NDST4: variants seen among roughly 807,000 people sequenced by gnomAD.
The protein encoded by NDST4 is N-deacetylase and N-sulfotransferase 4.
In NDST4, 63 loss-of-function variants were observed where a neutral mutation model predicts 100.8. That is an observed-to-expected ratio of 0.62 (90% CI 0.51 to 0.77). The LOEUF is 0.77. Ranked by LOEUF, NDST4 falls within the 30% of genes least tolerant of loss-of-function variation. The pLI, the probability that NDST4 is intolerant of heterozygous loss-of-function variation, is 0.00. For missense variants in NDST4, 943 were observed against 1,018.4 expected, an observed-to-expected ratio of 0.93 and a Z score of 1.01; for synonymous variants, 377 against 361.8, an observed-to-expected ratio of 1.04 and a Z score of -0.48.
intron 1 of NDST4, among the ~76,000 whole-genome samples, chr4:115,111,557 C>T (rs1355615467): frequency 6.6e-6 from 1 of 151,442 alleles, no homozygotes; most frequent in Non-Finnish European, 1.5e-5. Context: ...ATGTAATTTA[C>T]ATATATTTGC....
At chr4:114,898,913 T>G (rs973982564) in intron 6 of NDST4, among the ~76,000 whole-genome samples, 1 of 150,644 alleles carries the variant, frequency 6.6e-6, no homozygotes, top group Non-Finnish European at 1.5e-5. Context: ...TCCAGGAGGG[T>G]TTTTTTTTGT....
chr4:114,935,102 G>C, intron 6 of NDST4, 104 bp downstream of exon 6: 1 of 914,736 alleles, frequency 1.1e-6, no homozygotes, highest in Non-Finnish European at 1.5e-6. Flanking sequence ...AGTAAGATGT[G>C]CTGTAAATAA....
At chr4:114,863,620 A>G (rs781661789) in intron 7 of NDST4, among the ~76,000 whole-genome samples, 2 of 152,256 alleles carry the variant, frequency 1.3e-5, no homozygotes, top group Non-Finnish European at 2.9e-5. Flanking sequence ...TGGTTTAAGT[A>G]TCTAGCACTA....
intron 1 of NDST4, among the ~76,000 whole-genome samples, chr4:115,092,692 A>G (rs1281063456): frequency 6.6e-6 from 1 of 152,166 alleles, no homozygotes; most frequent in Admixed American, 6.6e-5. Flanking sequence ...TGTAGTTTCT[A>G]GTGAAACCAA....
intron 6 of NDST4, among the ~76,000 whole-genome samples, chr4:114,923,528 A>G (rs1328936542): frequency 6.6e-6 from 1 of 152,138 alleles, no homozygotes; most frequent in Non-Finnish European, 1.5e-5. Flanking sequence ...CAAACCAAAA[A>G]AGCACACATT....
intron 2 of NDST4, among the ~76,000 whole-genome samples, chr4:115,018,440 T>C (rs1727737409): frequency 6.6e-6 from 1 of 152,012 alleles, no homozygotes; most frequent in Non-Finnish European, 1.5e-5. Context: ...TATTTTAATA[T>C]TGATTGTGTG....
chr4:114,923,987 A>C (rs1725338339), intron 6 of NDST4, among the ~76,000 whole-genome samples: 2 of 152,086 alleles, frequency 1.3e-5, no homozygotes, highest in South Asian at 4.1e-4. Context: ...GGAAATACAC[A>C]GCAGTGCAAA....
intron 6 of NDST4, among the ~76,000 whole-genome samples, chr4:114,930,611 A>G (rs911701893): frequency 2.6e-5 from 4 of 152,158 alleles, no homozygotes; most frequent in African/African-American, 9.7e-5. Context: ...CAACTTAGCT[A>G]TAGCTTTGTT....
At chr4:114,966,252 A>G (rs966796448) in intron 4 of NDST4, among the ~76,000 whole-genome samples, 1 of 152,008 alleles carries the variant, frequency 6.6e-6, no homozygotes, top group Non-Finnish European at 1.5e-5. Context: ...GCATATACAT[A>G]CACATAACTC....
At chr4:115,082,111 A>G (rs745346221) in intron 1 of NDST4, among the ~76,000 whole-genome samples, 44 of 149,658 alleles carry the variant, frequency 2.9e-4, no homozygotes, top group Non-Finnish European at 4.9e-4. Flanking sequence ...GTAGGTGTTG[A>G]TTTTCCTGTT....
At chr4:114,849,858 C>T (rs1355529271) in intron 8 of NDST4, among the ~76,000 whole-genome samples, 1 of 152,114 alleles carries the variant, frequency 6.6e-6, no homozygotes, top group Non-Finnish European at 1.5e-5. Flanking sequence ...CTCTCAACCA[C>T]ACTGAAAAAT....
At chr4:115,032,688 TATCA>T (rs1259081530) in intron 2 of NDST4, among the ~76,000 whole-genome samples, 2 of 152,170 alleles carry the variant, frequency 1.3e-5, no homozygotes, top group African/African-American at 4.8e-5. Flanking sequence ...ACATATTATC[TATCA>T]CAGTCACATT....
At chr4:115,026,283 A>G (rs1437161540) in intron 2 of NDST4, among the ~76,000 whole-genome samples, 2 of 152,126 alleles carry the variant, frequency 1.3e-5, no homozygotes, top group Non-Finnish European at 2.9e-5. Flanking sequence ...TTTCTGTAGA[A>G]AAAATGTCAT....
chr4:114,930,763 T>C (rs868395822), intron 6 of NDST4, among the ~76,000 whole-genome samples: 1 of 152,086 alleles, frequency 6.6e-6, no homozygotes, highest in Non-Finnish European at 1.5e-5. Flanking sequence ...AATGGAATCA[T>C]TACAGAAGAA....
chr4:114,924,064 A>C (rs1240851492), intron 6 of NDST4, among the ~76,000 whole-genome samples: 1 of 152,120 alleles, frequency 6.6e-6, no homozygotes, highest in Non-Finnish European at 1.5e-5. Context: ...AATAATATAA[A>C]TCTCTCTCTT....
At chr4:115,077,964 A>G (rs991484128) in intron 1 of NDST4, among the ~76,000 whole-genome samples, 1 of 152,184 alleles carries the variant, frequency 6.6e-6, no homozygotes, top group Non-Finnish European at 1.5e-5. Flanking sequence ...GTCTCAAAGC[A>G]TATTTCCTAA....
At chr4:114,959,625 C>G (rs557158217) in intron 4 of NDST4, among the ~76,000 whole-genome samples, 99 of 152,174 alleles carry the variant, frequency 6.5e-4, no homozygotes, top group African/African-American at 2.3e-3. Flanking sequence ...CAATTCAAGA[C>G]AAGATTTGGG....
chr4:115,068,815 C>CAAAAAAAAAAAAAAAAAAAA (rs34003720), intron 2 of NDST4, among the ~76,000 whole-genome samples: 1 of 77,622 alleles, frequency 1.3e-5, no homozygotes, highest in African/African-American at 4.1e-5. Context: ...GGCTCCATCT[C>CAAAAAAAAAAAAAAAAAAAA]AAAAAAAAAA....
chr4:115,014,349 GGTAAGACATTT>G (rs1727628581), intron 2 of NDST4, among the ~76,000 whole-genome samples: 1 of 151,916 alleles, frequency 6.6e-6, no homozygotes, highest in African/African-American at 2.4e-5. Flanking sequence ...CGAACTTATG[GGTAAGACATTT>G]GCAAATAAGA....
Sources: gnomAD v4.1 joint callset for allele counts (sites outside exome capture counted in the v4.1 genomes callset) on GRCh38, gnomAD v4.1.1 for gene constraint, MANE v1.5 for transcripts, NCBI Gene and HGNC (gene_info 2026-07-23, HGNC 2026-07-21) for gene names.